Variants in ADGB observed in about 807,000 individuals in gnomAD.
The protein encoded by ADGB is androglobin.
A neutral mutation model predicts 210.5 loss-of-function variants in ADGB; 172 were observed. The observed-to-expected ratio is 0.82, with a 90% CI of 0.72 to 0.93. The LOEUF is 0.93. Ranked by LOEUF, ADGB falls within the 40% of genes least tolerant of loss-of-function variation. ADGB has a pLI of 0.00. For synonymous variants in ADGB, 658 were observed against 662.7 expected (o/e 0.99, Z 0.11); for missense variants, 2,025 against 1,964.8 (o/e 1.03, Z -0.58).
chr6:146,692,089 G>A (rs991479198), intron 11 of ADGB, among the ~76,000 whole-genome samples: 1 of 152,102 alleles, frequency 6.6e-6, no homozygotes, highest in Non-Finnish European at 1.5e-5. Flanking sequence ...TTCATTCAGG[G>A]CATTGAGGAA....
chr6:146,697,473 T>C (rs79298149), intron 12 of ADGB, among the ~76,000 whole-genome samples: 10,368 of 152,082 alleles, frequency 0.068, 486 homozygotes, highest in Middle Eastern at 0.16. Flanking sequence ...AAAAATAAAA[T>C]AGAAATTCTA....
intron 35 of ADGB, among the ~76,000 whole-genome samples, chr6:146,811,524 T>G (rs572343495): frequency 7.2e-6 from 1 of 139,846 alleles, no homozygotes; most frequent in Non-Finnish European, 1.6e-5. Context: ...TTATATATTC[T>G]CAAGTTAGAT....
At chr6:146,660,024 A>C (rs1372734504) in intron 5 of ADGB, among the ~76,000 whole-genome samples, 1 of 152,176 alleles carries the variant, frequency 6.6e-6, no homozygotes, top group African/African-American at 2.4e-5. Flanking sequence ...ATACTGCTTA[A>C]CCACAATGTT....
intron 33 of ADGB, among the ~76,000 whole-genome samples, chr6:146,794,926 C>T (rs1271645075): frequency 6.6e-6 from 1 of 152,072 alleles, no homozygotes; most frequent in Non-Finnish European, 1.5e-5. Context: ...TGAATGTGTA[C>T]CCTAAACTAC....
Position 146,670,582 on chromosome 6 carries a change from T to G in ADGB, c.840-1638T>G, listed in dbSNP as rs994266228. Among the ~76,000 whole-genome samples, 5 of 152,162 alleles carry G rather than the reference T, an allele frequency of 3.3e-5. No homozygotes were observed. The East Asian group carries it at 9.7e-4, about 29-fold the overall frequency. ...GGCCTAGTTGAGCATCCAATCTAAGTTATTCCTTCCCCAAGTTATGCCACA... is the reference window on the plus strand; with the variant it reads ...GGCCTAGTTGAGCATCCAATCTAAGGTATTCCTTCCCCAAGTTATGCCACA... On this transcript the variant is annotated intron_variant, in intron 7 of 35. Transcript: ENST00000397944.
At chr6:146,693,134 GTGTGTGT>G (rs1562276126) in intron 12 of ADGB, among the ~76,000 whole-genome samples, 1 of 152,114 alleles carries the variant, frequency 6.6e-6, no homozygotes, top group East Asian at 1.9e-4. Context: ...CTAATTTCTT[GTGTGTGT>G]TATGAGCTGA....
intron 17 of ADGB, 52 bp from the exon 18 acceptor site, chr6:146,724,134 G>T (rs1776860632): frequency 6.8e-7 from 1 of 1,465,418 alleles, no homozygotes; most frequent in Admixed American, 2.6e-5. Context: ...ACTAGTGAAT[G>T]CCAACTACAC....
rs949714719 is a variant in ADGB at position 146,634,750 on chromosome 6, G to T, written c.75-625G>T. Among the ~76,000 whole-genome samples, 23 of 151,846 alleles carry T rather than the reference G, an allele frequency of 1.5e-4. 1 individual carries two copies. Among genetic ancestry groups the T allele is most frequent in the Non-Finnish European group, 2.2e-4 (15 of 67,956 alleles). On this transcript the variant is annotated intron_variant, in intron 1 of 35. Coordinates refer to ENST00000397944, the MANE Select transcript of ADGB (RefSeq NM_024694.4). ...TAATGTGAATGTACACAAAGATTTT[G>T]CAATAAGAACAACCACCATAGTCTT...
intron 2 of ADGB, among the ~76,000 whole-genome samples, chr6:146,636,719 T>C (rs1775428783): frequency 6.6e-6 from 1 of 151,980 alleles, no homozygotes; most frequent in African/African-American, 2.4e-5. Flanking sequence ...ACTCTTGAAG[T>C]AGCAGCTCCT....
At chr6:146,736,289 G>A (rs1030676532) in intron 22 of ADGB, among the ~76,000 whole-genome samples, 4 of 152,064 alleles carry the variant, frequency 2.6e-5, no homozygotes, top group Non-Finnish European at 5.9e-5. Context: ...AAAGATGAAG[G>A]GAAACAGCAT....
intron 1 of ADGB, among the ~76,000 whole-genome samples, chr6:146,624,223 T>C (rs1295150848): frequency 1.3e-5 from 2 of 151,834 alleles, no homozygotes; most frequent in Non-Finnish European, 3.0e-5. Context: ...TGTGGAAAGA[T>C]TTTTAAGAAA....
At chr6:146,698,019 G>A (rs1288681695) in intron 12 of ADGB, among the ~76,000 whole-genome samples, 2 of 152,266 alleles carry the variant, frequency 1.3e-5, no homozygotes, top group East Asian at 3.9e-4. Flanking sequence ...TTAATATACA[G>A]TAAGAAAAGA....
chr6:146,650,379 GA>G (rs1775682718), intron 3 of ADGB, among the ~76,000 whole-genome samples: 1 of 151,892 alleles, frequency 6.6e-6, no homozygotes, highest in African/African-American at 2.4e-5. Context: ...GAGAAATAGA[GA>G]GCTTTAGAAG....
At position 146,700,956 on chromosome 6, in the gene ADGB, C is replaced by G; in HGVS notation, c.1593C>G (p.Ser531=). ...TIPTEMHFVR[S]LIKKGIPPGS... ...TTCCTTTTAGGCATTTTGTGCGCTC[C>G]TTAATTAAGAAAGGAATACCTCCAG... Residue 531 remains serine (S), a synonymous_variant, in exon 13 of 36, where the codon TCC becomes TCG. Coordinates refer to ENST00000397944, the MANE Select transcript of ADGB (RefSeq NM_024694.4). 1 of 1,550,462 alleles carries G rather than the reference C, an allele frequency of 6.4e-7. No individual in the cohort carries two copies. Among genetic ancestry groups the G allele is most frequent in the East Asian group, 2.4e-5 (1 of 40,828 alleles).
chr6:146,602,241 G>T (rs1405361098), intron 1 of ADGB, among the ~76,000 whole-genome samples: 1 of 152,006 alleles, frequency 6.6e-6, no homozygotes, highest in African/African-American at 2.4e-5. Context: ...TTCTTTAAAG[G>T]GAGGGTCCTT....
chr6:146,644,786 A>C lies in ADGB; in HGVS notation c.251A>C (p.Asp84Ala). The C allele has an allele frequency of 2.7e-6, 4 of 1,467,644 alleles. No homozygotes were observed. The highest frequency in any genetic ancestry group is 2.7e-6 in the Non-Finnish European group (3 of 1,107,940). 90.9% of individuals were successfully genotyped at this position (1,467,644 alleles called of 1,614,324 possible). Residue 84 changes from aspartate to alanine, a missense_variant, in exon 3 of 36, where the codon GAC becomes GCC. Transcript: ENST00000397944. ...ATTTTTATATAGCATTTTTTTGAGG[A>C]CCCTGAAGGAAAGATTGAGTTACCA... ...GKSPVFHFFE[D>A]PEGKIELPPS...
chr6:146,749,295 G>A (rs2114608670), intron 26 of ADGB, among the ~76,000 whole-genome samples: 1 of 152,258 alleles, frequency 6.6e-6, no homozygotes, highest in East Asian at 1.9e-4. Flanking sequence ...TGCATAGGTA[G>A]TTCCACTGCA....
intron 1 of ADGB, among the ~76,000 whole-genome samples, chr6:146,610,270 T>C (rs1170232111): frequency 6.6e-6 from 1 of 152,230 alleles, no homozygotes; most frequent in Non-Finnish European, 1.5e-5. Context: ...ATTTGTTGGA[T>C]TGGTTTTCAA....
At chr6:146,655,643 T>C (rs1431757561) in intron 4 of ADGB, among the ~76,000 whole-genome samples, 2 of 152,178 alleles carry the variant, frequency 1.3e-5, no homozygotes, top group South Asian at 2.1e-4. Flanking sequence ...CAACCAGTTA[T>C]ACATATTAGT....
Sources: allele counts gnomAD v4.1 joint callset (sites outside exome capture counted in the v4.1 genomes callset), GRCh38; gene constraint gnomAD v4.1.1; transcripts MANE v1.5; gene names NCBI Gene and HGNC (gene_info 2026-07-23, HGNC 2026-07-21).